AKAP13: variants seen among roughly 807,000 people sequenced by gnomAD.
The protein encoded by AKAP13 is A-kinase anchor protein 13.
Under a neutral mutation model 264.5 loss-of-function variants are expected in AKAP13, and 80 were observed. The observed-to-expected ratio is 0.30, with a 90% CI of 0.25 to 0.36. The LOEUF (loss-of-function observed/expected upper bound fraction) is 0.36, where lower values mean the gene tolerates loss of function less well. AKAP13 is among the 10% of genes least tolerant of loss of function. The pLI is 1.00. For missense variants in AKAP13, 3,712 were observed against 3,435.2 expected (o/e 1.08, Z -2.01); for synonymous variants, 1,380 against 1,250.2 (o/e 1.10, Z -2.19).
intron 35 of AKAP13, 34 bp from the exon 36 acceptor site, chr15:85,743,458 T>G (rs2089209785): frequency 5.6e-6 from 9 of 1,594,996 alleles, no homozygotes; most frequent in Non-Finnish European, 6.0e-6. Flanking sequence ...GCTGACAGCC[T>G]CCAAGTGAAA....
intron 2 of AKAP13, among the ~76,000 whole-genome samples, chr15:85,504,341 T>C (rs1049238129): frequency 1.3e-5 from 2 of 151,040 alleles, no homozygotes; most frequent in Non-Finnish European, 3.0e-5. Flanking sequence ...TTTTAGCTAA[T>C]CACTTCTAAC....
chr15:85,670,501 G>A (rs1266525170), intron 14 of AKAP13, among the ~76,000 whole-genome samples: 1 of 148,856 alleles, frequency 6.7e-6, no homozygotes, highest in Non-Finnish European at 1.5e-5. Flanking sequence ...AATTAATATC[G>A]ATAAAATTGT....
Position 85,741,296 on chromosome 15 carries a change from C to T in AKAP13, c.7859C>T (p.Ala2620Val). The T allele has an allele frequency of 6.2e-7, 1 of 1,611,274 alleles. No homozygotes were observed. The highest frequency in any genetic ancestry group is 1.1e-5 in the South Asian group (1 of 90,754). The change falls in exon 35 of 37, where the codon GCC becomes GTC. Residue 2620 changes from alanine (A) to valine (V), a missense_variant. By Grantham distance (64) the Ala-to-Val change is moderately conservative. This residue lies in a region of AKAP13 where 611 missense variants were observed against 539.3 expected (regional missense o/e 1.13). Coordinates refer to ENST00000394518, the MANE Select transcript of AKAP13 (RefSeq NM_007200.5). Reference protein sequence around the residue: ...RELREREALLAQREEEVQQGQ... With the variant: ...RELREREALLVQREEEVQQGQ... ...CTGCGGGAGCGGGAGGCCCTCCTGG[C>T]CCAGCGCGAGGAGGAGGTGCAGCAG...
chr15:85,485,696 C>A lies in AKAP13; in HGVS notation c.-11-14C>A, dbSNP rs142338739. The A allele has an allele frequency of 7.4e-6, 12 of 1,611,614 alleles. No homozygotes were observed. The African/African-American group carries it at 1.3e-4, about 18-fold the overall frequency. ...CTTTTAATTTTATTCTCATTTATTC[C>A]ATTTCTGTTTCAGTGTCCTGGGTCA... On this transcript the variant is annotated splice_polypyrimidine_tract_variant and intron_variant, in intron 1 of 36. Transcript: ENST00000394518.
At chr15:85,572,750 G>A (rs1000601441) in intron 5 of AKAP13, among the ~76,000 whole-genome samples, 2 of 152,058 alleles carry the variant, frequency 1.3e-5, no homozygotes, top group African/African-American at 4.8e-5. Context: ...TACACGTGCC[G>A]TGGAGGTTTG....
At chr15:85,636,095 T>C (rs887690079) in intron 8 of AKAP13, among the ~76,000 whole-genome samples, 1 of 152,188 alleles carries the variant, frequency 6.6e-6, no homozygotes, top group African/African-American at 2.4e-5. Flanking sequence ...CTCAACAATG[T>C]TTTATAAAGG....
In AKAP13 at chr15:85,726,962, A is replaced by G. The variant is rs1296575486; in HGVS notation, c.6823-104A>G. ...TAAAGTAGCCCTTGTTTTTCAAACT[A>G]TGTGCTTTTTTAACAGCATCTGGTC... On this transcript the variant is annotated intron_variant, in intron 27 of 36. Coordinates refer to ENST00000394518, the MANE Select transcript of AKAP13 (RefSeq NM_007200.5). 30 of 1,253,270 alleles carry G rather than the reference A, an allele frequency of 2.4e-5. No individual in the cohort carries two copies. The East Asian group carries it at 2.6e-4, about 11-fold the overall frequency. 77.6% of individuals were successfully genotyped at this position (1,253,270 alleles called of 1,614,324 possible).
chr15:85,686,710 C>A (rs949081754), intron 16 of AKAP13, among the ~76,000 whole-genome samples: 1 of 152,084 alleles, frequency 6.6e-6, no homozygotes, highest in African/African-American at 2.4e-5. Context: ...TTTTTACTTA[C>A]CACTGCCGGC....
chr15:85,746,723 C>G lies in AKAP13; in HGVS notation c.*2046C>G, dbSNP rs1025320599. The G allele has an allele frequency of 6.6e-6, 1 of 151,724 alleles. No homozygotes were observed. Among genetic ancestry groups the G allele is most frequent in the African/African-American group, 2.4e-5 (1 of 41,204 alleles). The allele number at this position is 151,724 out of a possible 1,614,324, so 9.4% of individuals were successfully genotyped here. On this transcript the variant is annotated 3_prime_UTR_variant, in exon 37 of 37. Transcript: ENST00000394518. Reference sequence around the variant, plus strand: ...CAAGTTACAGCTGAATCTGTCGTGACTTTCCTGAGATCTACCCGGGGCTTG... The same window carrying G: ...CAAGTTACAGCTGAATCTGTCGTGAGTTTCCTGAGATCTACCCGGGGCTTG...
At chr15:85,569,818 G>A (rs959170773) in intron 5 of AKAP13, among the ~76,000 whole-genome samples, 11 of 151,196 alleles carry the variant, frequency 7.3e-5, no homozygotes, top group African/African-American at 2.2e-4. Context: ...TGGCTCACTC[G>A]TGTAATCCCA....
rs942816385 is a variant in AKAP13 at position 85,524,409 on chromosome 15, C to T, written c.181+2834C>T. On this transcript the variant is annotated intron_variant, in intron 3 of 36. Transcript: ENST00000394518. ...CAGGCTGGTCTTGAACTCCTGACCT[C>T]GTGATCTGCCCACCTCGGCCTCCCA... 3.4e-4 allele frequency among the ~76,000 whole-genome samples: 52 copies of T among 152,058 alleles called. 1 individual carries two copies. Among genetic ancestry groups the T allele is most frequent in the Admixed American group, 5.9e-4 (9 of 15,284 alleles).
chr15:85,590,683 T>C (rs2079546435), intron 8 of AKAP13, among the ~76,000 whole-genome samples: 2 of 152,252 alleles, frequency 1.3e-5, no homozygotes, highest in South Asian at 2.1e-4. Context: ...TTTACACATA[T>C]TGTGGTTTAT....
At position 85,722,942 on chromosome 15, in the gene AKAP13, C is replaced by T. The variant is rs578256684; in HGVS notation, c.6497-130C>T. 34 of 1,216,922 alleles carry T rather than the reference C, an allele frequency of 2.8e-5. No individual in the cohort carries two copies. In the South Asian group the frequency reaches 3.0e-4, roughly 11 times the overall value. The allele number at this position is 1,216,922 out of a possible 1,614,324, so 75.4% of individuals were successfully genotyped here. A position where few individuals can be genotyped will look rare whatever the true frequency, so the allele number is the denominator to read the frequency against. The stretch of plus-strand genomic sequence containing the variant: ...AGAAGGATAGGCACATGATCTCTGA[C>T]GTGTTGGCTTCCCTCTGATAGCATA... On this transcript the variant is annotated intron_variant, in intron 25 of 36. Coordinates refer to ENST00000394518, the MANE Select transcript of AKAP13 (RefSeq NM_007200.5).
chr15:85,561,051 ATTTTTTTT>A (rs11311086), intron 5 of AKAP13, among the ~76,000 whole-genome samples: 53 of 109,496 alleles, frequency 4.8e-4, no homozygotes, highest in Non-Finnish European at 7.8e-4. Flanking sequence ...GGATGTAAGG[ATTTTTTTT>A]TTTTTTTTTT....
chr15:85,552,532 AAAC>A (rs1405293559), intron 5 of AKAP13, among the ~76,000 whole-genome samples: 2 of 152,210 alleles, frequency 1.3e-5, no homozygotes, highest in Admixed American at 6.5e-5. Flanking sequence ...TTATTAATGA[AAAC>A]AAAATGTATT....
chr15:85,610,094 T>G (rs1246050094), intron 8 of AKAP13, among the ~76,000 whole-genome samples: 1 of 152,222 alleles, frequency 6.6e-6, no homozygotes, highest in African/African-American at 2.4e-5. Flanking sequence ...ATTTGCTGAA[T>G]GGGTAAAGAA....
In AKAP13 at chr15:85,536,570, C is replaced by G. The variant is rs181744126; in HGVS notation, c.478+2690C>G. The stretch of plus-strand genomic sequence containing the variant: ...ATAATCTTCAAAAACTGGAAATAAC[C>G]CAGATTTCCCTCACTGAGTGAATAC... On this transcript the variant is annotated intron_variant, in intron 4 of 36. Coordinates refer to ENST00000394518, the MANE Select transcript of AKAP13 (RefSeq NM_007200.5). 10 of 152,264 alleles carry G rather than the reference C, an allele frequency of 6.6e-5. 1 individual carries two copies. Among genetic ancestry groups the G allele is most frequent in the African/African-American group, 2.4e-4 (10 of 41,560 alleles). The allele number at this position is 152,264 out of a possible 1,614,324, so 9.4% of individuals were successfully genotyped here.
chr15:85,567,966 G>C (rs1022447516), intron 5 of AKAP13, among the ~76,000 whole-genome samples: 2 of 148,674 alleles, frequency 1.3e-5, no homozygotes, highest in Non-Finnish European at 2.9e-5. Context: ...GTGTGTGTGT[G>C]TGTGTGTGTG....
At chr15:85,466,621 T>C (rs2151013419) in intron 1 of AKAP13, among the ~76,000 whole-genome samples, 1 of 152,310 alleles carries the variant, frequency 6.6e-6, no homozygotes, top group East Asian at 1.9e-4. Flanking sequence ...AGGATCTTAG[T>C]CATTTTTGAA....
Sources: gnomAD v4.1 joint callset for allele counts (sites outside exome capture counted in the v4.1 genomes callset) on GRCh38, gnomAD v4.1.1 for gene constraint, gnomAD v4.1.1 regional missense constraint, MANE v1.5 for transcripts, NCBI Gene and HGNC (gene_info 2026-07-23, HGNC 2026-07-21) for gene names.